Variants in TTLL11 observed in about 807,000 individuals in gnomAD.
The protein encoded by TTLL11 is tubulin tyrosine ligase like 11, also known as tubulin polyglutamylase TTLL11.
A neutral mutation model predicts 51.7 loss-of-function variants in TTLL11; 42 were observed. The ratio of observed to expected loss-of-function variants is 0.81; its 90% CI spans 0.64 to 1.05. The LOEUF (loss-of-function observed/expected upper bound fraction) is 1.05. Among genes scored for constraint, TTLL11 ranks in the 50% least tolerant of loss-of-function variants. The pLI is 0.00. For missense variants in TTLL11, 799 were observed against 940.4 expected, an observed-to-expected ratio of 0.85 and a Z score of 1.97; for synonymous variants, 381 against 383.5, an observed-to-expected ratio of 0.99 and a Z score of 0.08.
At chr9:121,925,286 ATGC>A (rs1291400324) in intron 6 of TTLL11, among the ~76,000 whole-genome samples, 1 of 152,234 alleles carries the variant, frequency 6.6e-6, no homozygotes, top group Non-Finnish European at 1.5e-5. Context: ...TGTCACTCAG[ATGC>A]TACTAACACC....
At chr9:121,953,817 C>G (rs2131608579) in intron 6 of TTLL11, among the ~76,000 whole-genome samples, 1 of 152,172 alleles carries the variant, frequency 6.6e-6, no homozygotes, top group Admixed American at 6.5e-5. Flanking sequence ...TCGAAGCATG[C>G]TTTTTGGAGC....
intron 6 of TTLL11, among the ~76,000 whole-genome samples, chr9:121,877,559 A>C (rs1311226075): frequency 6.6e-6 from 1 of 152,086 alleles, no homozygotes; most frequent in African/African-American, 2.4e-5. Context: ...CTTCCTCCCC[A>C]CAAACCCCGG....
intron 6 of TTLL11, among the ~76,000 whole-genome samples, chr9:121,968,070 C>T (rs978547253): frequency 2.0e-5 from 3 of 152,148 alleles, no homozygotes; most frequent in Non-Finnish European, 4.4e-5. Context: ...GACGGTTGCA[C>T]GACTTTGTGA....
chr9:121,974,820 A>T, intron 5 of TTLL11, 64 bp downstream of exon 5: 2 of 1,220,906 alleles, frequency 1.6e-6, no homozygotes, highest in Non-Finnish European at 2.3e-6. Flanking sequence ...TTAAGTGAGC[A>T]ACATGAGGGT....
chr9:122,024,765 A>G (rs1844278747), intron 3 of TTLL11, among the ~76,000 whole-genome samples: 1 of 152,200 alleles, frequency 6.6e-6, no homozygotes, highest in Non-Finnish European at 1.5e-5. Flanking sequence ...TACACCATAT[A>G]CAAAAATTAA....
At chr9:121,866,651 C>T (rs1838184244) in intron 7 of TTLL11, among the ~76,000 whole-genome samples, 1 of 119,664 alleles carries the variant, frequency 8.4e-6, no homozygotes, top group Non-Finnish European at 1.7e-5. Context: ...CAGAGCAAGA[C>T]TCCATCTCAA....
intron 3 of TTLL11, among the ~76,000 whole-genome samples, chr9:122,023,239 AG>A (rs1479166245): frequency 6.6e-6 from 1 of 152,006 alleles, no homozygotes; most frequent in Non-Finnish European, 1.5e-5. Flanking sequence ...AAACTATTAA[AG>A]CTCATTCAAG....
At chr9:122,024,548 T>G (rs1297744566) in intron 3 of TTLL11, among the ~76,000 whole-genome samples, 1 of 152,180 alleles carries the variant, frequency 6.6e-6, no homozygotes, top group Non-Finnish European at 1.5e-5. Context: ...TAAAGCTATA[T>G]CAAAACAGTG....
At chr9:121,997,162 T>C (rs182583224) in intron 3 of TTLL11, among the ~76,000 whole-genome samples, 1 of 152,288 alleles carries the variant, frequency 6.6e-6, no homozygotes, top group East Asian at 1.9e-4. Context: ...CTGTGAGCCA[T>C]AATCTACCCA....
chr9:122,080,087 C>A (rs1845963913), intron 1 of TTLL11, among the ~76,000 whole-genome samples: 1 of 152,138 alleles, frequency 6.6e-6, no homozygotes, highest in Non-Finnish European at 1.5e-5. Flanking sequence ...TCAAATTAGG[C>A]ATAATGGCCA....
At chr9:121,939,653 T>A (rs1841366650) in intron 6 of TTLL11, among the ~76,000 whole-genome samples, 1 of 152,192 alleles carries the variant, frequency 6.6e-6, no homozygotes, top group South Asian at 2.1e-4. Flanking sequence ...AGTGCATACA[T>A]ATTCATTATA....
chr9:121,938,304 A>G (rs1841308833), intron 6 of TTLL11, among the ~76,000 whole-genome samples: 1 of 151,878 alleles, frequency 6.6e-6, no homozygotes, highest in East Asian at 1.9e-4. Flanking sequence ...GAAAAAAAAA[A>G]AAATCAGGAA....
chr9:122,048,526 T>G (rs1845077783), intron 1 of TTLL11, among the ~76,000 whole-genome samples: 1 of 152,106 alleles, frequency 6.6e-6, no homozygotes, highest in South Asian at 2.1e-4. Context: ...AACTCTTCAA[T>G]GCCTCCCCGT....
intron 8 of TTLL11, among the ~76,000 whole-genome samples, chr9:121,847,056 A>T (rs1837536212): frequency 6.6e-6 from 1 of 152,112 alleles, no homozygotes. Context: ...TAAAAATACA[A>T]AAAATTAGCC....
At chr9:121,909,981 C>A (rs772241248) in intron 6 of TTLL11, among the ~76,000 whole-genome samples, 1 of 152,070 alleles carries the variant, frequency 6.6e-6, no homozygotes, top group Non-Finnish European at 1.5e-5. Flanking sequence ...ATGTGGATGG[C>A]GTCTAAGATG....
chr9:122,001,088 A>G (rs562066064), intron 3 of TTLL11, among the ~76,000 whole-genome samples: 4 of 152,034 alleles, frequency 2.6e-5, no homozygotes, highest in Admixed American at 1.3e-4. Context: ...TGTGTGTGCA[A>G]CACTGTTTTT....
chr9:121,968,047 T>G (rs1248049769), intron 6 of TTLL11, among the ~76,000 whole-genome samples: 1 of 152,138 alleles, frequency 6.6e-6, no homozygotes, highest in African/African-American at 2.4e-5. Flanking sequence ...CAAAACGCTG[T>G]GGAGCTAGTG....
chr9:122,039,456 T>C, intron 1 of TTLL11, 88 bp from the exon 2 acceptor site: 1 of 995,260 alleles, frequency 1.0e-6, no homozygotes, highest in East Asian at 2.4e-5. Flanking sequence ...CCTGGCACCC[T>C]GGTGTACTTA....
chr9:121,865,772 A>G (rs1838157390), intron 7 of TTLL11, among the ~76,000 whole-genome samples: 1 of 152,264 alleles, frequency 6.6e-6, no homozygotes. Context: ...AATATGCACT[A>G]CTATTATGTG....
Sources: allele counts gnomAD v4.1 joint callset (sites outside exome capture counted in the v4.1 genomes callset), GRCh38; gene constraint gnomAD v4.1.1; transcripts MANE v1.5; gene names NCBI Gene and HGNC (gene_info 2026-07-23, HGNC 2026-07-21).